The following LOC400499 variants were observed in gnomAD, a reference collection of about 807,000 sequenced individuals.
chr16:11,469,988 T>C, the LOC400499 span, among the ~76,000 whole-genome samples: 1 of 152,182 alleles, frequency 6.6e-6, no homozygotes, highest in Non-Finnish European at 1.5e-5. Flanking sequence ...CTGCAGCCTC[T>C]GCCTCCCAGG....
chr16:11,450,837 A>C, the LOC400499 span: 1 of 1,521,566 alleles, frequency 6.6e-7, no homozygotes, highest in South Asian at 1.2e-5. Flanking sequence ...GCAACAAAGA[A>C]GGAGAATCTG....
chr16:11,420,667 A>C, the LOC400499 span, among the ~76,000 whole-genome samples: 1 of 136,682 alleles, frequency 7.3e-6, no homozygotes, highest in South Asian at 2.6e-4. Flanking sequence ...ATTTCGAAGG[A>C]GCTACCCAGG....
At chr16:11,448,856 G>C in the LOC400499 span, 8 of 1,303,258 alleles carry the variant, frequency 6.1e-6, no homozygotes, top group African/African-American at 1.4e-5. Flanking sequence ...CAGGGAGAGA[G>C]GTAGGAAACC....
At chr16:11,388,084 A>G in the LOC400499 span, among the ~76,000 whole-genome samples, 1 of 152,174 alleles carries the variant, frequency 6.6e-6, no homozygotes, top group African/African-American at 2.4e-5. Context: ...TTGATGGGCC[A>G]GTAGAGAGGG....
chr16:11,402,401 T>C, the LOC400499 span: 1 of 373,988 alleles, frequency 2.7e-6, no homozygotes, highest in East Asian at 3.9e-5. Context: ...ACTCTGAGGC[T>C]CCTCCAAGAG....
the LOC400499 span, among the ~76,000 whole-genome samples, chr16:11,458,216 G>A: frequency 2.0e-5 from 3 of 152,196 alleles, no homozygotes; most frequent in Non-Finnish European, 4.4e-5. Flanking sequence ...CGTGGTCGTG[G>A]GCGCCTGTAA....
the LOC400499 span, among the ~76,000 whole-genome samples, chr16:11,513,541 C>T: frequency 3.9e-5 from 6 of 152,054 alleles, no homozygotes; most frequent in South Asian, 8.3e-4. Flanking sequence ...AACGATTCTC[C>T]GGCTTCAGCC....
At chr16:11,425,228 G>T in the LOC400499 span, 472 of 398,986 alleles carry the variant, frequency 1.2e-3, 8 homozygotes, top group African/African-American at 9.1e-3. Flanking sequence ...TGGCTGCATG[G>T]GCCCGGATGC....
the LOC400499 span, chr16:11,461,049 C>A: frequency 6.5e-7 from 1 of 1,536,148 alleles, no homozygotes; most frequent in Admixed American, 2.0e-5. Flanking sequence ...GCCCCACCAG[C>A]CCTGGCACAA....
the LOC400499 span, chr16:11,424,067 T>G: frequency 2.5e-6 from 1 of 399,202 alleles, no homozygotes; most frequent in Non-Finnish European, 4.4e-6. Flanking sequence ...TGGGACCCAC[T>G]GGCCCCCGAG....
chr16:11,401,211 C>A, the LOC400499 span: 1 of 398,898 alleles, frequency 2.5e-6, no homozygotes, highest in South Asian at 1.3e-4. Context: ...CAGGCTCAGT[C>A]ACGCGGCTCC....
chr16:11,513,369 G>A, the LOC400499 span, among the ~76,000 whole-genome samples: 2 of 139,686 alleles, frequency 1.4e-5, no homozygotes, highest in Admixed American at 8.2e-5. Context: ...TCAGACCACT[G>A]CTCTCCAGCC....
At chr16:11,462,705 G>C in the LOC400499 span, among the ~76,000 whole-genome samples, 14 of 152,226 alleles carry the variant, frequency 9.2e-5, no homozygotes, top group East Asian at 1.4e-3. Flanking sequence ...TTACAGGCAT[G>C]AACTACTGTG....
At chr16:11,386,190 C>T in the LOC400499 span, among the ~76,000 whole-genome samples, 12 of 152,328 alleles carry the variant, frequency 7.9e-5, no homozygotes, top group South Asian at 2.1e-4. Context: ...GGGTAGGGAA[C>T]AGATGGCCTG....
At chr16:11,389,794 A>G in the LOC400499 span, among the ~76,000 whole-genome samples, 107,312 of 151,448 alleles carry the variant, frequency 0.71, 40,457 homozygotes, top group Admixed American at 0.83. Context: ...AGCGAGCTGT[A>G]CCAGCCCCGG....
the LOC400499 span, chr16:11,425,449 G>C: frequency 1.1e-4 from 43 of 399,196 alleles, no homozygotes; most frequent in East Asian, 8.9e-4. Flanking sequence ...GAGAATGGTG[G>C]AGAAGAACAG....
chr16:11,437,112 C>T, the LOC400499 span, among the ~76,000 whole-genome samples: 7 of 152,170 alleles, frequency 4.6e-5, no homozygotes, highest in African/African-American at 1.7e-4. Flanking sequence ...TGGAAAAAGG[C>T]AAAACCACAG....
the LOC400499 span, chr16:11,383,627 G>A: frequency 8.1e-7 from 1 of 1,232,284 alleles, no homozygotes; most frequent in Non-Finnish European, 1.0e-6. Flanking sequence ...GTGCTAGATG[G>A]CTGGGGCAGC....
At chr16:11,414,282 C>A in the LOC400499 span, 11 of 399,122 alleles carry the variant, frequency 2.8e-5, no homozygotes, top group Non-Finnish European at 4.9e-5. Flanking sequence ...CCTCTGCACA[C>A]CAGGAATTGG....
Sources: gnomAD v4.1 joint callset for allele counts (sites outside exome capture counted in the v4.1 genomes callset) on GRCh38, gnomAD v4.1.1 for gene constraint, MANE v1.5 for transcripts.